GABRB2: variants seen among roughly 807,000 people sequenced by gnomAD.
GABRB2 encodes gamma-aminobutyric acid type A receptor subunit beta2, also known as gamma-aminobutyric acid receptor subunit beta-2.
GABRB2 carries 16 observed loss-of-function variants against 54.7 expected under a neutral mutation model. The observed-to-expected ratio is 0.29, with a 90% CI of 0.20 to 0.44. The LOEUF (loss-of-function observed/expected upper bound fraction) is 0.44, where lower values mean the gene tolerates loss of function less well. Ranked by LOEUF, GABRB2 falls within the 20% of genes least tolerant of loss-of-function variation. The pLI is 1.00. For synonymous variants in GABRB2, 244 were observed against 233.8 expected, an observed-to-expected ratio of 1.04 and a Z score of -0.40; for missense variants, 355 against 644.0, an observed-to-expected ratio of 0.55 and a Z score of 4.86.
rs1757201838 is a variant in GABRB2, at chr5:161,290,323, C to T, written c.*3758G>A. Reference sequence around the variant, plus strand: ...TTAAGACATGTTTGTTTTTGACTCACCAATGGACAATGTTATTTGTTTCCT... The same window carrying T: ...TTAAGACATGTTTGTTTTTGACTCATCAATGGACAATGTTATTTGTTTCCT... On this transcript the variant is annotated 3_prime_UTR_variant, in exon 10 of 10. Transcript: ENST00000393959. 6.6e-6 allele frequency: 1 copy of T among 152,100 alleles called. No individual in the cohort carries two copies. Among genetic ancestry groups the T allele is most frequent in the South Asian group, 2.1e-4 (1 of 4,792 alleles). 9.4% of individuals were successfully genotyped at this position (152,100 alleles called of 1,614,324 possible).
At chr5:161,513,721 G>T (rs1384441632) in intron 3 of GABRB2, among the ~76,000 whole-genome samples, 1 of 151,806 alleles carries the variant, frequency 6.6e-6, no homozygotes, top group Non-Finnish European at 1.5e-5. Context: ...TTATATCTGA[G>T]GCCTCAGCAT....
intron 5 of GABRB2, among the ~76,000 whole-genome samples, chr5:161,378,992 T>C (rs1755388898): frequency 6.6e-6 from 1 of 152,182 alleles, no homozygotes; most frequent in African/African-American, 2.4e-5. Context: ...ATGATTCAAA[T>C]AGACTAGAAA....
chr5:161,499,399 C>T lies in GABRB2; in HGVS notation c.238-39555G>A, dbSNP rs371234557. Among the ~76,000 whole-genome samples, 114 of 152,218 alleles carry T rather than the reference C, an allele frequency of 7.5e-4. 2 individuals are homozygous for T. In the South Asian group the frequency reaches 0.023, roughly 30 times the overall value. ...TCCTTATTGGGGTCCATTTATTCATCTCTAACATAAAGACTAGCTAACTTC... is the reference window on the plus strand; with the variant it reads ...TCCTTATTGGGGTCCATTTATTCATTTCTAACATAAAGACTAGCTAACTTC... On this transcript the variant is annotated intron_variant, in intron 3 of 9. Transcript: ENST00000393959.
chr5:161,538,500 C>G (rs368324806), intron 3 of GABRB2, among the ~76,000 whole-genome samples: 1 of 152,156 alleles, frequency 6.6e-6, no homozygotes, highest in African/African-American at 2.4e-5. Context: ...GGCATAAATA[C>G]AGTAAGAATC....
intron 5 of GABRB2, among the ~76,000 whole-genome samples, chr5:161,356,579 A>G (rs973427955): frequency 4.6e-5 from 7 of 152,182 alleles, no homozygotes; most frequent in Non-Finnish European, 1.0e-4. Flanking sequence ...GAGTCAGTTC[A>G]TTCATCATTA....
chr5:161,351,743 C>T (rs920535287), intron 5 of GABRB2, among the ~76,000 whole-genome samples: 4 of 151,954 alleles, frequency 2.6e-5, no homozygotes, highest in African/African-American at 9.7e-5. Flanking sequence ...GCAAAAGAAA[C>T]AATCAACACA....
chr5:161,310,675 GCGCA>G (rs976220309), intron 9 of GABRB2, among the ~76,000 whole-genome samples: 68 of 119,636 alleles, frequency 5.7e-4, no homozygotes, highest in Middle Eastern at 3.9e-3. Context: ...ACGCGCACGC[GCGCA>G]CACACACACA....
chr5:161,398,667 TCTG>T (rs1346233425), intron 5 of GABRB2, among the ~76,000 whole-genome samples: 153 of 139,374 alleles, frequency 1.1e-3, no homozygotes, highest in African/African-American at 3.8e-3. Context: ...TGTTTGTTTG[TCTG>T]TTTTTTTTGT....
At chr5:161,509,303 A>G (rs1759695095) in intron 3 of GABRB2, among the ~76,000 whole-genome samples, 1 of 151,992 alleles carries the variant, frequency 6.6e-6, no homozygotes, top group Non-Finnish European at 1.5e-5. Context: ...TATTTCTACC[A>G]TTTCTTCATA....
chr5:161,344,663 C>T lies in GABRB2; in HGVS notation c.542-7894G>A, dbSNP rs114992470. On this transcript the variant is annotated intron_variant, in intron 5 of 9. Transcript: ENST00000393959. Reference sequence around the variant, plus strand: ...TATTTCTCAAGGATCTACAACCAGACATACCATTTGATCCAGCAATCCCAT... The same window carrying T: ...TATTTCTCAAGGATCTACAACCAGATATACCATTTGATCCAGCAATCCCAT... Among the ~76,000 whole-genome samples the T allele has an allele frequency of 2.6e-3, 395 of 152,062 alleles. 4 individuals are homozygous for T. The highest frequency in any genetic ancestry group is 8.2e-3 in the African/African-American group (340 of 41,498).
At position 161,341,968 on chromosome 5, in the gene GABRB2, T is replaced by TATATATATATAC. The variant is rs1205547471; in HGVS notation, c.542-5200_542-5199insGTATATATATAT. On this transcript the variant is annotated intron_variant, in intron 5 of 9. Transcript: ENST00000393959. ...ATATATATATATATATATATATATA[T>TATATATATATAC]ACATACTTTATTATTATTTTTTCTA... 1.4e-3 allele frequency among the ~76,000 whole-genome samples: 43 copies of TATATATATATAC among 31,106 alleles called. 1 individual carries two copies. In the East Asian group the frequency reaches 0.021, roughly 15 times the overall value. The allele number at this position is 31,106 out of a possible 152,430, so 20.4% of individuals were successfully genotyped here.
intron 3 of GABRB2, among the ~76,000 whole-genome samples, chr5:161,544,758 T>C (rs767642827): frequency 6.6e-6 from 1 of 152,270 alleles, no homozygotes; most frequent in Non-Finnish European, 1.5e-5. Context: ...GGGCTTGCCA[T>C]TAACAGTAAA....
At position 161,492,354 on chromosome 5, in the gene GABRB2, C is replaced by T. The variant is rs1759109499; in HGVS notation, c.238-32510G>A. Among the ~76,000 whole-genome samples the T allele has an allele frequency of 7.3e-5, 11 of 151,552 alleles. No individual in the cohort carries two copies. In the South Asian group the frequency reaches 2.3e-3, roughly 32 times the overall value. ...CTCTAAATAGCTACAGAATCTAGTC[C>T]CTTCTCATTATTCTATTCCCTACTT... On this transcript the variant is annotated intron_variant, in intron 3 of 9. Transcript: ENST00000393959.
chr5:161,457,116 T>G (rs1757977969), intron 4 of GABRB2, among the ~76,000 whole-genome samples: 1 of 152,198 alleles, frequency 6.6e-6, no homozygotes, highest in East Asian at 1.9e-4. Flanking sequence ...TTTATATATT[T>G]CCTGATGAAT....
At chr5:161,510,808 C>A (rs1398869774) in intron 3 of GABRB2, among the ~76,000 whole-genome samples, 3 of 151,826 alleles carry the variant, frequency 2.0e-5, no homozygotes, top group Non-Finnish European at 4.4e-5. Flanking sequence ...CTTAAAAAAT[C>A]ATTATGGGAA....
At chr5:161,305,476 A>C (rs1757663972) in intron 9 of GABRB2, among the ~76,000 whole-genome samples, 1 of 152,206 alleles carries the variant, frequency 6.6e-6, no homozygotes, top group Admixed American at 6.5e-5. Context: ...AGGAATGAGA[A>C]TCTGCCTACC....
intron 3 of GABRB2, among the ~76,000 whole-genome samples, chr5:161,520,848 C>T (rs1325570955): frequency 6.6e-6 from 1 of 151,984 alleles, no homozygotes; most frequent in South Asian, 2.1e-4. Flanking sequence ...AAAAGCACTG[C>T]CAAACTCCTC....
intron 3 of GABRB2, among the ~76,000 whole-genome samples, chr5:161,477,672 T>C (rs576374066): frequency 5.3e-5 from 8 of 152,020 alleles, no homozygotes; most frequent in Non-Finnish European, 5.9e-5. Flanking sequence ...TGGATGAACA[T>C]TGACAACATT....
At chr5:161,345,827 C>T (rs1754306308) in intron 5 of GABRB2, among the ~76,000 whole-genome samples, 2 of 152,056 alleles carry the variant, frequency 1.3e-5, no homozygotes, top group African/African-American at 4.8e-5. Flanking sequence ...AGAACCATGT[C>T]CGGTCCTTCT....
Sources: gnomAD v4.1 joint callset for allele counts (sites outside exome capture counted in the v4.1 genomes callset) on GRCh38, gnomAD v4.1.1 for gene constraint, MANE v1.5 for transcripts, NCBI Gene and HGNC (gene_info 2026-07-23, HGNC 2026-07-21) for gene names.